Variants in PLXNA4 observed in about 807,000 individuals in gnomAD.
PLXNA4 encodes the protein plexin A4, also known as plexin-A4.
In PLXNA4, 44 loss-of-function variants were observed where a neutral mutation model predicts 191.8. The ratio of observed to expected loss-of-function variants is 0.23; its 90% CI spans 0.18 to 0.29. PLXNA4 has a LOEUF of 0.29. Ranked by LOEUF, PLXNA4 falls within the 10% of genes least tolerant of loss-of-function variation. The probability of loss-of-function intolerance (pLI) is 1.00; values close to 1 mark genes in which losing one functional copy is unlikely to be tolerated. For missense variants in PLXNA4, 1,800 were observed against 2,488.8 expected, an observed-to-expected ratio of 0.72 and a Z score of 5.89; for synonymous variants, 1,082 against 1,009.5, an observed-to-expected ratio of 1.07 and a Z score of -1.36.
chr7:132,461,171 C>T (rs1228938384), intron 3 of PLXNA4, among the ~76,000 whole-genome samples: 1 of 152,118 alleles, frequency 6.6e-6, no homozygotes, highest in Non-Finnish European at 1.5e-5. Flanking sequence ...GGCTTTGAGG[C>T]CACATGGTCT....
chr7:132,484,662 T>C (rs1388377026), intron 3 of PLXNA4: 1 of 1,298,172 alleles, frequency 7.7e-7, no homozygotes, highest in African/African-American at 1.5e-5. Context: ...ATCAAATACA[T>C]ATGCCCTCTG....
intron 3 of PLXNA4, among the ~76,000 whole-genome samples, chr7:132,412,493 C>G (rs117327187): frequency 0.027 from 4,135 of 152,282 alleles, 79 homozygotes; most frequent in Non-Finnish European, 0.041. Flanking sequence ...AGGAAGGGAA[C>G]AGCATCTCGT....
intron 4 of PLXNA4, among the ~76,000 whole-genome samples, chr7:132,285,102 T>C (rs1446180125): frequency 1.3e-5 from 2 of 152,230 alleles, no homozygotes; most frequent in Non-Finnish European, 2.9e-5. Flanking sequence ...CTAAGCCTCA[T>C]TGAGTTGTCA....
At chr7:132,499,857 G>A (rs368344812) in intron 2 of PLXNA4, among the ~76,000 whole-genome samples, 1 of 152,118 alleles carries the variant, frequency 6.6e-6, no homozygotes, top group African/African-American at 2.4e-5. Context: ...GAACACTGAC[G>A]GAGACACAGT....
chr7:132,225,525 C>CT (rs1798286666), intron 8 of PLXNA4, among the ~76,000 whole-genome samples: 2 of 152,170 alleles, frequency 1.3e-5, no homozygotes, highest in South Asian at 4.1e-4. Flanking sequence ...GCCAGAGCCT[C>CT]GGCCCTCCCC....
intron 3 of PLXNA4, among the ~76,000 whole-genome samples, chr7:132,468,071 A>G (rs1297341502): frequency 6.6e-6 from 1 of 152,184 alleles, no homozygotes; most frequent in Admixed American, 6.5e-5. Flanking sequence ...GGTGTGACCG[A>G]GTTGGAATAA....
chr7:132,329,279 A>G (rs1192387530), intron 3 of PLXNA4, among the ~76,000 whole-genome samples: 1 of 151,798 alleles, frequency 6.6e-6, no homozygotes, highest in African/African-American at 2.4e-5. Context: ...CCCTTTTAGC[A>G]CTCACCCCAG....
chr7:132,170,072 A>G (rs1405270392), intron 21 of PLXNA4, among the ~76,000 whole-genome samples: 1 of 152,052 alleles, frequency 6.6e-6, no homozygotes, highest in East Asian at 1.9e-4. Flanking sequence ...ATACAGCAGT[A>G]ACGAGCCTGG....
Position 132,528,611 on chromosome 7 carries a change from AT to A in PLXNA4, c.-86-19833del, listed in dbSNP as rs374566289. On this transcript the variant is annotated intron_variant, in intron 1 of 31. Transcript: ENST00000321063. ...GCCTGCCAGGGGCTTCAGGAATATA[AT>A]TTTTTTGCTCTTTAAAAGAGACTCA... Among the ~76,000 whole-genome samples, 13 of 152,256 alleles carry A rather than the reference AT, an allele frequency of 8.5e-5. No individual in the cohort carries two copies. The South Asian group carries it at 2.5e-3, about 29-fold the overall frequency.
Position 132,181,524 on chromosome 7 carries a change from C to CCT in PLXNA4, c.3347_3348dup (p.Glu1117ArgfsTer48). 1 of 1,614,132 alleles carries CCT rather than the reference C, an allele frequency of 6.2e-7. No homozygotes were observed. Among genetic ancestry groups the CCT allele is most frequent in the Non-Finnish European group, 8.5e-7 (1 of 1,180,018 alleles). ...ACGTTGTCCAGGATGAAGCCAAACT[C>CCT]CTCGGGCCTCTCGGTCAGGTCTGAC... On this transcript the variant is annotated frameshift_variant, in exon 18 of 32. Transcript: ENST00000321063. LOFTEE classifies it high-confidence loss of function.
intron 3 of PLXNA4, among the ~76,000 whole-genome samples, chr7:132,355,831 T>A (rs1803680375): frequency 2.0e-5 from 3 of 151,998 alleles, no homozygotes; most frequent in Non-Finnish European, 4.4e-5. Flanking sequence ...GAGAAAAGTG[T>A]TTCCAGAAGG....
chr7:132,366,115 C>T (rs550085554), intron 3 of PLXNA4: 1 of 152,340 alleles, frequency 6.6e-6, no homozygotes, highest in South Asian at 2.1e-4. Context: ...GCTCCAAAAA[C>T]ATTGTGCAGG....
chr7:132,151,593 G>A lies in PLXNA4; in HGVS notation c.4661-2947C>T, dbSNP rs141868699. ...AGGAGGAGAAAGGAGGAGGAGAAAGGAGGAGAGGGAGAGGGAGGGGGAGAA... is the reference window on the plus strand; with the variant it reads ...AGGAGGAGAAAGGAGGAGGAGAAAGAAGGAGAGGGAGAGGGAGGGGGAGAA... On this transcript the variant is annotated intron_variant, in intron 25 of 31. Transcript: ENST00000321063. Among the ~76,000 whole-genome samples, 26 of 32,814 alleles carry A rather than the reference G, an allele frequency of 7.9e-4. 8 individuals are homozygous for A. Among genetic ancestry groups the A allele is most frequent in the Non-Finnish European group, 3.7e-3 (15 of 4,000 alleles). The allele number at this position is 32,814 out of a possible 152,430, so 21.5% of individuals were successfully genotyped here. A position where few individuals can be genotyped will look rare whatever the true frequency, so the allele number is the denominator to read the frequency against.
chr7:132,168,230 G>C (rs59200081), intron 22 of PLXNA4, 74 bp downstream of exon 22: 244,871 of 1,434,142 alleles, frequency 0.17, 26,245 homozygotes, highest in African/African-American at 0.53. Context: ...AGCTCCACCC[G>C]AGTCTCCCTG....
At chr7:132,223,423 C>T (rs1302317632) in intron 9 of PLXNA4, 104 bp downstream of exon 9, 2 of 947,464 alleles carry the variant, frequency 2.1e-6, no homozygotes, top group Non-Finnish European at 3.3e-6. Context: ...AGGGGGTGGT[C>T]CTGCACAGTT....
intron 1 of PLXNA4, among the ~76,000 whole-genome samples, chr7:132,569,194 G>T (rs1158376919): frequency 6.6e-6 from 1 of 152,230 alleles, no homozygotes; most frequent in Non-Finnish European, 1.5e-5. Flanking sequence ...TTCACACCAG[G>T]CTTCCCTGGA....
At chr7:132,317,527 G>A (rs1801993542) in intron 3 of PLXNA4, among the ~76,000 whole-genome samples, 1 of 152,116 alleles carries the variant, frequency 6.6e-6, no homozygotes, top group South Asian at 2.1e-4. Flanking sequence ...ATTGGATTGG[G>A]TTGCATTGGA....
intron 1 of PLXNA4, among the ~76,000 whole-genome samples, chr7:132,528,700 A>G (rs1171243778): frequency 6.6e-6 from 1 of 152,236 alleles, no homozygotes; most frequent in Non-Finnish European, 1.5e-5. Context: ...ACTGTGGCAG[A>G]CTTCTTGTGC....
chr7:132,560,388 G>A (rs549693901), intron 1 of PLXNA4, among the ~76,000 whole-genome samples: 1 of 152,262 alleles, frequency 6.6e-6, no homozygotes, highest in East Asian at 1.9e-4. Flanking sequence ...GATGCTTTCA[G>A]AACAATTTCA....
Sources: gnomAD v4.1 joint callset for allele counts (sites outside exome capture counted in the v4.1 genomes callset) on GRCh38, gnomAD v4.1.1 for gene constraint, MANE v1.5 for transcripts, NCBI Gene and HGNC (gene_info 2026-07-23, HGNC 2026-07-21) for gene names.